The following VPS13B variants were observed in gnomAD, a reference collection of about 807,000 sequenced individuals.
VPS13B encodes the protein intermembrane lipid transfer protein VPS13B.
A neutral mutation model predicts 426.4 loss-of-function variants in VPS13B; 285 were observed. That is an observed-to-expected ratio of 0.67 (90% confidence interval 0.61 to 0.74). VPS13B has a LOEUF of 0.74. Among genes scored for constraint, VPS13B ranks in the 30% least tolerant of loss-of-function variants. The pLI, the probability that VPS13B is intolerant of heterozygous loss-of-function variation, is 0.00. For synonymous variants in VPS13B, 1,676 were observed against 1,676.4 expected (o/e 1.00, Z 0.01); for missense variants, 4,537 against 4,782.6 (o/e 0.95, Z 1.51).
intron 19 of VPS13B, among the ~76,000 whole-genome samples, chr8:99,359,296 G>C (rs1168220101): frequency 6.6e-6 from 1 of 152,004 alleles, no homozygotes; most frequent in African/African-American, 2.4e-5. Flanking sequence ...CTATTTTAGA[G>C]TTTTGTACTT....
At chr8:99,265,445 A>C (rs1818246925) in intron 17 of VPS13B, among the ~76,000 whole-genome samples, 1 of 152,152 alleles carries the variant, frequency 6.6e-6, no homozygotes, top group East Asian at 1.9e-4. Flanking sequence ...TTAGTAAAGG[A>C]AGGGTAGATC....
At chr8:99,773,274 C>T (rs894036617) in intron 40 of VPS13B, among the ~76,000 whole-genome samples, 1 of 152,156 alleles carries the variant, frequency 6.6e-6, no homozygotes, top group African/African-American at 2.4e-5. Context: ...GGTTCTCCTA[C>T]CTTGGTCATT....
chr8:99,230,569 A>T (rs1816266292), intron 17 of VPS13B, among the ~76,000 whole-genome samples: 1 of 152,244 alleles, frequency 6.6e-6, no homozygotes, highest in Admixed American at 6.5e-5. Flanking sequence ...TCTTCTCAGT[A>T]CCAAAGTTTG....
intron 30 of VPS13B, among the ~76,000 whole-genome samples, chr8:99,529,692 A>T (rs1347060609): frequency 6.6e-6 from 1 of 152,242 alleles, no homozygotes. Context: ...CTTTGTTACT[A>T]TTTGAATTAC....
chr8:99,477,200 G>A (rs1819740908), intron 24 of VPS13B, among the ~76,000 whole-genome samples: 1 of 151,926 alleles, frequency 6.6e-6, no homozygotes, highest in Non-Finnish European at 1.5e-5. Context: ...TTTATTTTCT[G>A]GGTATCCTGT....
At chr8:99,448,925 C>T (rs1359193175) in intron 23 of VPS13B, among the ~76,000 whole-genome samples, 1 of 152,146 alleles carries the variant, frequency 6.6e-6, no homozygotes, top group Non-Finnish European at 1.5e-5. Flanking sequence ...CATTCCACCT[C>T]CTATTATACC....
At chr8:99,019,212 T>A (rs1397339954) in intron 2 of VPS13B, among the ~76,000 whole-genome samples, 1 of 150,996 alleles carries the variant, frequency 6.6e-6, no homozygotes, top group African/African-American at 2.4e-5. Flanking sequence ...ACATTTTTTT[T>A]TTTTTTTTTT....
chr8:99,214,288 A>G (rs967808908), intron 17 of VPS13B, among the ~76,000 whole-genome samples: 4 of 152,200 alleles, frequency 2.6e-5, no homozygotes, highest in Admixed American at 1.3e-4. Context: ...CCACAAACAT[A>G]TTGTCCACAA....
At chr8:99,591,359 T>G (rs1301804816) in intron 33 of VPS13B, among the ~76,000 whole-genome samples, 2 of 152,048 alleles carry the variant, frequency 1.3e-5, no homozygotes, top group Non-Finnish European at 2.9e-5. Context: ...ACATTTAAGG[T>G]TAATATTGTT....
In VPS13B at chr8:99,481,785, A is replaced by C; in HGVS notation, c.3853A>C (p.Ile1285Leu). Reference sequence around the variant, plus strand: ...CAGCACATGCAGCCCATCTGCTGACATTGGGACTACTACTGAGGTAAGTGT... The same window carrying C: ...CAGCACATGCAGCCCATCTGCTGACCTTGGGACTACTACTGAGGTAAGTGT... Reference protein sequence around the residue: ...DTSTCSPSADIGTTTEGDSIQ... With the variant: ...DTSTCSPSADLGTTTEGDSIQ... The change falls in exon 25 of 62, where the codon ATT becomes CTT. Residue 1285 changes from isoleucine to leucine, a missense_variant. Physicochemically the swap from Ile to Leu is conservative, Grantham distance 5 (BLOSUM62 2). Around this residue, in one of 2 missense-constraint regions of VPS13B, gnomAD observed 4,311 missense variants for 4,474.3 expected, o/e 0.96. Transcript: ENST00000357162. 6.2e-7 allele frequency: 1 copy of C among 1,613,866 alleles called. No homozygotes were observed. Among genetic ancestry groups the C allele is most frequent in the African/African-American group, 1.3e-5 (1 of 75,030 alleles).
chr8:99,294,825 A>G (rs1427818850), intron 19 of VPS13B, among the ~76,000 whole-genome samples: 2 of 152,152 alleles, frequency 1.3e-5, no homozygotes, highest in Admixed American at 6.5e-5. Context: ...CATGTTGCAA[A>G]CTAAGTTAAT....
In VPS13B at chr8:99,279,931, G is replaced by A. The variant is rs376561494; in HGVS notation, c.2824+4677G>A. 1.2e-4 allele frequency among the ~76,000 whole-genome samples: 19 copies of A among 152,170 alleles called. No homozygotes were observed. The East Asian group carries it at 2.5e-3, about 20-fold the overall frequency. ...ACTACAGGCACCTGTTACCATGCCC[G>A]GCTAATTTTTTGTATTTTTAGTAGA... is the stretch of plus-strand genomic sequence containing the variant. On this transcript the variant is annotated intron_variant, in intron 19 of 61. Coordinates refer to ENST00000357162, the MANE Select transcript of VPS13B (RefSeq NM_152564.5).
intron 17 of VPS13B, among the ~76,000 whole-genome samples, chr8:99,267,291 G>A (rs1169319201): frequency 6.6e-6 from 1 of 152,094 alleles, no homozygotes; most frequent in East Asian, 1.9e-4. Flanking sequence ...GTGGCTTTTT[G>A]CTCCTGCCCT....
chr8:99,497,087 AATAT>A (rs1233714430), intron 25 of VPS13B, among the ~76,000 whole-genome samples: 2 of 143,808 alleles, frequency 1.4e-5, no homozygotes, highest in Non-Finnish European at 3.0e-5. Context: ...AATATATATA[AATAT>A]ATATATTTAT....
At chr8:99,029,452 A>G (rs887123035) in intron 2 of VPS13B, among the ~76,000 whole-genome samples, 19 of 151,952 alleles carry the variant, frequency 1.3e-4, no homozygotes, top group Non-Finnish European at 2.4e-4. Context: ...TAGCGAGCCG[A>G]GATCACGCCA....
At chr8:99,210,195 C>T (rs1376607767) in intron 17 of VPS13B, among the ~76,000 whole-genome samples, 2 of 152,252 alleles carry the variant, frequency 1.3e-5, no homozygotes, top group Admixed American at 1.3e-4. Context: ...TATTTATTTA[C>T]TTCTACCTGT....
At chr8:99,421,156 A>G (rs1368938019) in intron 21 of VPS13B, among the ~76,000 whole-genome samples, 5 of 152,154 alleles carry the variant, frequency 3.3e-5, no homozygotes, top group Admixed American at 3.3e-4. Flanking sequence ...CAAGTGTAGT[A>G]CTTTTTCCAT....
intron 23 of VPS13B, among the ~76,000 whole-genome samples, chr8:99,453,754 A>G (rs1016339404): frequency 9.2e-5 from 14 of 152,110 alleles, no homozygotes; most frequent in African/African-American, 3.4e-4. Context: ...TTTGAGTTTC[A>G]TAGCAAAATT....
chr8:99,163,493 A>C (rs1811799218), intron 15 of VPS13B, among the ~76,000 whole-genome samples: 1 of 152,134 alleles, frequency 6.6e-6, no homozygotes, highest in Non-Finnish European at 1.5e-5. Flanking sequence ...GAGCCCATGG[A>C]GTGGGTGGGA....
Sources: allele counts gnomAD v4.1 joint callset (sites outside exome capture counted in the v4.1 genomes callset), GRCh38; gene constraint gnomAD v4.1.1; regional missense constraint gnomAD v4.1.1; transcripts MANE v1.5; gene names NCBI Gene and HGNC (gene_info 2026-07-23, HGNC 2026-07-21).